The following FSTL4 variants were observed in gnomAD, a reference collection of about 807,000 sequenced individuals.
FSTL4 encodes follistatin-related protein 4.
FSTL4 carries 28 observed loss-of-function variants against 78.2 expected under a neutral mutation model. The ratio of observed to expected loss-of-function variants is 0.36; its 90% CI spans 0.27 to 0.49. The LOEUF (loss-of-function observed/expected upper bound fraction) is 0.49, where lower values mean the gene tolerates loss of function less well. Ranked by LOEUF, FSTL4 falls within the 20% of genes least tolerant of loss-of-function variation. FSTL4 has a pLI of 0.98. For synonymous variants in FSTL4, 422 were observed against 440.5 expected, an observed-to-expected ratio of 0.96 and a Z score of 0.53; for missense variants, 922 against 1,084.9, an observed-to-expected ratio of 0.85 and a Z score of 2.11.
At chr5:133,337,909 T>G (rs1754499866) in intron 4 of FSTL4, among the ~76,000 whole-genome samples, 2 of 152,148 alleles carry the variant, frequency 1.3e-5, no homozygotes, top group Non-Finnish European at 2.9e-5. Context: ...TAGGATACTG[T>G]TTGAAGAAAT....
the FSTL4 span, among the ~76,000 whole-genome samples, chr5:133,764,261 C>T: frequency 6.6e-6 from 1 of 152,190 alleles, no homozygotes; most frequent in Non-Finnish European, 1.5e-5. Context: ...AGCCTCTTTC[C>T]TTCAGGAAGA....
At chr5:133,503,213 C>T (rs1758538015) in intron 3 of FSTL4, among the ~76,000 whole-genome samples, 3 of 152,250 alleles carry the variant, frequency 2.0e-5, no homozygotes, top group African/African-American at 7.2e-5. Flanking sequence ...AAAGAACCCA[C>T]AAAGTTGCAC....
At chr5:133,780,282 G>A in the FSTL4 span, among the ~76,000 whole-genome samples, 3 of 152,168 alleles carry the variant, frequency 2.0e-5, no homozygotes, top group Non-Finnish European at 4.4e-5. Context: ...GATATGGGCA[G>A]AGCAGCAACA....
chr5:133,648,074 T>C, the FSTL4 span, among the ~76,000 whole-genome samples: 15 of 152,276 alleles, frequency 9.9e-5, no homozygotes, highest in South Asian at 2.9e-3. Flanking sequence ...CCACCATGAT[T>C]GTGAGGCCTC....
chr5:133,424,972 T>C (rs1253400913), intron 3 of FSTL4, among the ~76,000 whole-genome samples: 2 of 152,190 alleles, frequency 1.3e-5, no homozygotes, highest in East Asian at 3.9e-4. Flanking sequence ...AAAGAAAATC[T>C]GTAAAAACAA....
chr5:133,589,716 C>T (rs1450302484), intron 2 of FSTL4, among the ~76,000 whole-genome samples: 2 of 152,116 alleles, frequency 1.3e-5, no homozygotes, highest in Admixed American at 6.5e-5. Context: ...TCTGATGTGA[C>T]GTTGTCTGCT....
At chr5:133,604,443 C>T (rs1424939742) in intron 1 of FSTL4, among the ~76,000 whole-genome samples, 1 of 152,156 alleles carries the variant, frequency 6.6e-6, no homozygotes, top group Non-Finnish European at 1.5e-5. Context: ...CGCAGTGGCT[C>T]ACAACCTGTA....
Position 133,396,559 on chromosome 5 carries a change from C to T in FSTL4, c.409+4179G>A, listed in dbSNP as rs147799297. On this transcript the variant is annotated intron_variant, in intron 4 of 15. Coordinates refer to ENST00000265342, the MANE Select transcript of FSTL4 (RefSeq NM_015082.2). ...CACACATCCCAGGAAGTGAGTCTCC[C>T]GCTGAGAGCTGGACTGGGCTGACAA... Among the ~76,000 whole-genome samples the T allele has an allele frequency of 3.4e-3, 516 of 152,250 alleles. 5 individuals are homozygous for T. The highest frequency in any genetic ancestry group is 0.012 in the African/African-American group (487 of 41,542).
At chr5:133,384,566 G>A (rs1200428201) in intron 4 of FSTL4, among the ~76,000 whole-genome samples, 1 of 152,198 alleles carries the variant, frequency 6.6e-6, no homozygotes, top group Non-Finnish European at 1.5e-5. Context: ...TGGTCCTGCT[G>A]ACTGTATTTT....
intron 2 of FSTL4, among the ~76,000 whole-genome samples, chr5:133,582,292 C>G (rs1158186708): frequency 6.6e-6 from 1 of 152,178 alleles, no homozygotes; most frequent in Non-Finnish European, 1.5e-5. Context: ...ACCCCAGACC[C>G]CCGGCACTGG....
chr5:133,421,655 C>T (rs537861942), intron 3 of FSTL4, among the ~76,000 whole-genome samples: 1 of 152,342 alleles, frequency 6.6e-6, no homozygotes, highest in East Asian at 1.9e-4. Context: ...GAAATGATCT[C>T]TAAGTGCTGC....
chr5:133,695,315 C>T, the FSTL4 span, among the ~76,000 whole-genome samples: 1 of 152,150 alleles, frequency 6.6e-6, no homozygotes, highest in Admixed American at 6.5e-5. Context: ...GGCTCACATT[C>T]GTGATCTGTG....
intron 3 of FSTL4, among the ~76,000 whole-genome samples, chr5:133,490,987 A>T (rs1758254726): frequency 6.6e-6 from 1 of 152,212 alleles, no homozygotes; most frequent in South Asian, 2.1e-4. Flanking sequence ...TAAGGACTGA[A>T]AAACAACTAT....
intron 2 of FSTL4, among the ~76,000 whole-genome samples, chr5:133,599,528 C>T (rs1760810325): frequency 6.6e-6 from 1 of 152,176 alleles, no homozygotes; most frequent in Non-Finnish European, 1.5e-5. Flanking sequence ...CACTGAGGCA[C>T]ATGAGGTGAC....
intron 4 of FSTL4, among the ~76,000 whole-genome samples, chr5:133,356,181 T>G (rs1272573302): frequency 2.0e-5 from 3 of 152,186 alleles, no homozygotes; most frequent in Non-Finnish European, 4.4e-5. Context: ...ACGAAATAAT[T>G]CTTATTTGCC....
chr5:133,663,485 T>C, the FSTL4 span, among the ~76,000 whole-genome samples: 4 of 152,194 alleles, frequency 2.6e-5, no homozygotes, highest in South Asian at 2.1e-4. Context: ...AGAACAGCCA[T>C]TGGTTAACTG....
chr5:133,808,789 C>T, the FSTL4 span, among the ~76,000 whole-genome samples: 2 of 152,076 alleles, frequency 1.3e-5, no homozygotes, highest in African/African-American at 4.8e-5. Flanking sequence ...GATGGAAAAA[C>T]CCAGAGCCAA....
chr5:133,811,109 T>C, the FSTL4 span, among the ~76,000 whole-genome samples: 3 of 152,182 alleles, frequency 2.0e-5, no homozygotes, highest in Admixed American at 2.0e-4. Flanking sequence ...AAGCAGGCAG[T>C]CGTGGGCCTG....
intron 6 of FSTL4, among the ~76,000 whole-genome samples, chr5:133,268,653 A>AC (rs1366914531): frequency 6.6e-6 from 1 of 151,718 alleles, no homozygotes; most frequent in African/African-American, 2.4e-5. Context: ...GAGCTGTTTC[A>AC]TTTTTTTTCC....
Sources: allele counts gnomAD v4.1 joint callset (sites outside exome capture counted in the v4.1 genomes callset), GRCh38; gene constraint gnomAD v4.1.1; transcripts MANE v1.5; gene names NCBI Gene and HGNC (gene_info 2026-07-23, HGNC 2026-07-21).